The following PPP1R13B variants were observed in gnomAD, a reference collection of about 807,000 sequenced individuals.
PPP1R13B encodes protein phosphatase 1 regulatory subunit 13B, also known as apoptosis-stimulating of p53 protein 1.
Under a neutral mutation model 119.8 loss-of-function variants are expected in PPP1R13B, and 44 were observed. The observed-to-expected ratio is 0.37, with a 90% CI of 0.29 to 0.47. The LOEUF is 0.47. PPP1R13B is among the 20% of genes least tolerant of loss of function. PPP1R13B has a pLI of 0.99. For missense variants in PPP1R13B, 1,227 were observed against 1,413.5 expected (o/e 0.87, Z 2.12); for synonymous variants, 542 against 561.5 (o/e 0.97, Z 0.49).
chr14:103,800,401 C>T (rs997729933), intron 1 of PPP1R13B, among the ~76,000 whole-genome samples: 3 of 151,970 alleles, frequency 2.0e-5, no homozygotes, highest in Non-Finnish European at 4.4e-5. Context: ...GCCTGTAATC[C>T]CAGCACTCTG....
chr14:103,833,584 A>G (rs2086707107), intron 1 of PPP1R13B, among the ~76,000 whole-genome samples: 1 of 152,190 alleles, frequency 6.6e-6, no homozygotes, highest in South Asian at 2.1e-4. Context: ...CGGAGGTTAC[A>G]GTGAGACAAG....
intron 4 of PPP1R13B, among the ~76,000 whole-genome samples, chr14:103,770,085 G>C (rs770068087): frequency 3.3e-5 from 5 of 151,046 alleles, no homozygotes; most frequent in Non-Finnish European, 7.4e-5. Flanking sequence ...ACAGAAATGA[G>C]GTCTACTCTG....
At chr14:103,746,714 T>C in intron 8 of PPP1R13B, 161 bp from the exon 9 acceptor site, 1 of 574,166 alleles carries the variant, frequency 1.7e-6, no homozygotes, top group Admixed American at 3.4e-5. Context: ...GGGGAGACTG[T>C]GGAGAAGGAA....
At chr14:103,847,745 T>G (rs2087100352), upstream of PPP1R13B, 1 of 584,898 alleles carries the variant, frequency 1.7e-6, no homozygotes, top group Non-Finnish European at 2.2e-6. Flanking sequence ...GGCGGCCAGG[T>G]GCGTGCGCGT....
intron 1 of PPP1R13B, among the ~76,000 whole-genome samples, chr14:103,808,883 T>G (rs2086081739): frequency 6.6e-6 from 1 of 152,164 alleles, no homozygotes; most frequent in Non-Finnish European, 1.5e-5. Flanking sequence ...GTTTCTTTTT[T>G]TTAGAGACAG....
intron 1 of PPP1R13B, among the ~76,000 whole-genome samples, chr14:103,840,331 T>C (rs2152086705): frequency 6.6e-6 from 1 of 152,326 alleles, no homozygotes; most frequent in Non-Finnish European, 1.5e-5. Context: ...ATAACTTCAA[T>C]ACAATAACCC....
At chr14:103,837,621 C>T (rs1283439967) in intron 1 of PPP1R13B, among the ~76,000 whole-genome samples, 4 of 151,920 alleles carry the variant, frequency 2.6e-5, no homozygotes, top group East Asian at 1.9e-4. Flanking sequence ...ACTCTCCATC[C>T]GATCTATTTA....
At chr14:103,813,110 T>G (rs973036977) in intron 1 of PPP1R13B, among the ~76,000 whole-genome samples, 1 of 152,230 alleles carries the variant, frequency 6.6e-6, no homozygotes, top group South Asian at 2.1e-4. Flanking sequence ...TGAATGTTTA[T>G]GGCAGCTTTG....
At chr14:103,746,336 C>A (rs1332282472) in intron 9 of PPP1R13B, 37 bp downstream of exon 9, 7 of 1,082,186 alleles carry the variant, frequency 6.5e-6, no homozygotes, top group Non-Finnish European at 8.2e-6. Context: ...TCCCTGCTCA[C>A]AAACTCTCCC....
intron 4 of PPP1R13B, among the ~76,000 whole-genome samples, chr14:103,763,598 T>G (rs970590471): frequency 6.6e-6 from 1 of 152,274 alleles, no homozygotes; most frequent in South Asian, 2.1e-4. Context: ...CCCTAGATTT[T>G]ATTTTTTCCT....
chr14:103,822,868 A>G (rs1170164812), intron 1 of PPP1R13B, among the ~76,000 whole-genome samples: 2 of 152,200 alleles, frequency 1.3e-5, no homozygotes, highest in Non-Finnish European at 2.9e-5. Context: ...AACAAGGAAA[A>G]GAACCATTTA....
At chr14:103,807,501 T>TC (rs2086045549) in intron 1 of PPP1R13B, among the ~76,000 whole-genome samples, 1 of 152,150 alleles carries the variant, frequency 6.6e-6, no homozygotes, top group African/African-American at 2.4e-5. Context: ...ACGTAAAATG[T>TC]CCCTTTTTTT....
chr14:103,774,330 G>A (rs376316133), intron 4 of PPP1R13B, among the ~76,000 whole-genome samples: 18 of 152,116 alleles, frequency 1.2e-4, no homozygotes, highest in Non-Finnish European at 2.4e-4. Flanking sequence ...CACCTAAGTC[G>A]AATGTGTCTT....
chr14:103,809,619 G>C (rs1441104496), intron 1 of PPP1R13B, among the ~76,000 whole-genome samples: 1 of 151,936 alleles, frequency 6.6e-6, no homozygotes, highest in Non-Finnish European at 1.5e-5. Context: ...TCAGGAGCTC[G>C]AGATCAGCCT....
intron 2 of PPP1R13B, among the ~76,000 whole-genome samples, chr14:103,790,994 C>T (rs1387960806): frequency 1.3e-5 from 2 of 152,180 alleles, no homozygotes; most frequent in Non-Finnish European, 2.9e-5. Flanking sequence ...GCTACACAAT[C>T]TAAGCACAGA....
intron 1 of PPP1R13B, among the ~76,000 whole-genome samples, chr14:103,814,106 TG>T (rs1338358360): frequency 1.3e-5 from 2 of 152,218 alleles, no homozygotes; most frequent in Non-Finnish European, 2.9e-5. Context: ...TCCAGCACTT[TG>T]GGAGGCCAAG....
In PPP1R13B at chr14:103,733,917, G is replaced by GT. The variant is rs976916000; in HGVS notation, c.*1236dup. On this transcript the variant is annotated 3_prime_UTR_variant, in exon 17 of 17. Coordinates refer to ENST00000202556, the MANE Select transcript of PPP1R13B (RefSeq NM_015316.3). ...GGTGATGGGCTACAGTGCTGCATCA[G>GT]TGAGTCTGTACACACATTTTTACAT... 3 of 155,136 alleles carry GT rather than the reference G, an allele frequency of 1.9e-5. No individual in the cohort carries two copies. Among genetic ancestry groups the GT allele is most frequent in the African/African-American group, 7.2e-5 (3 of 41,424 alleles). The allele number at this position is 155,136 out of a possible 1,614,324, so 9.6% of individuals were successfully genotyped here. A position where few individuals can be genotyped will look rare whatever the true frequency, so the allele number is the denominator to read the frequency against.
At chr14:103,778,684 G>A (rs2085268151) in intron 4 of PPP1R13B, 61 bp downstream of exon 4, 3 of 1,380,284 alleles carry the variant, frequency 2.2e-6, no homozygotes, top group Admixed American at 3.4e-5. Flanking sequence ...GAGATTACAG[G>A]TGTAACCCAC....
intron 4 of PPP1R13B, among the ~76,000 whole-genome samples, chr14:103,769,371 G>A (rs1433686835): frequency 6.6e-6 from 1 of 152,024 alleles, no homozygotes; most frequent in Non-Finnish European, 1.5e-5. Context: ...GATTACAGGT[G>A]TGGGCCACTG....
Sources: allele counts gnomAD v4.1 joint callset (sites outside exome capture counted in the v4.1 genomes callset), GRCh38; gene constraint gnomAD v4.1.1; transcripts MANE v1.5; gene names NCBI Gene and HGNC (gene_info 2026-07-23, HGNC 2026-07-21).